The following PLCZ1 variants were observed in gnomAD, a reference collection of about 807,000 sequenced individuals.
PLCZ1 encodes the protein 1-phosphatidylinositol 4,5-bisphosphate phosphodiesterase zeta-1.
Under a neutral mutation model 76.8 loss-of-function variants are expected in PLCZ1, and 64 were observed. The observed-to-expected ratio is 0.83, with a 90% confidence interval of 0.68 to 1.03. PLCZ1 has a LOEUF of 1.03. PLCZ1 is among the 50% of genes least tolerant of loss of function. PLCZ1 has a pLI of 0.00. For synonymous variants in PLCZ1, 248 were observed against 230.8 expected, an observed-to-expected ratio of 1.07 and a Z score of -0.68; for missense variants, 751 against 713.7, an observed-to-expected ratio of 1.05 and a Z score of -0.60.
At chr12:18,696,710 C>T (rs59633342) in intron 10 of PLCZ1, among the ~76,000 whole-genome samples, 22,066 of 151,934 alleles carry the variant, frequency 0.15, 1,693 homozygotes, top group Middle Eastern at 0.17. Flanking sequence ...CAAAGCTATA[C>T]GATTCCAGCT....
At chr12:18,714,491 A>C (rs1183163601) in intron 5 of PLCZ1, among the ~76,000 whole-genome samples, 1 of 152,214 alleles carries the variant, frequency 6.6e-6, no homozygotes, top group Non-Finnish European at 1.5e-5. Context: ...AGGCAGAAAA[A>C]TGTGATCTAA....
At chr12:18,660,973 G>T in the PLCZ1 span, among the ~76,000 whole-genome samples, 1 of 152,024 alleles carries the variant, frequency 6.6e-6, no homozygotes, top group East Asian at 1.9e-4. Flanking sequence ...AAACCCAAAT[G>T]AAGCCAAAAT....
intron 1 of PLCZ1, chr12:18,737,719 G>A (rs553770056): frequency 1.3e-4 from 55 of 438,704 alleles, no homozygotes; most frequent in African/African-American, 9.1e-4. Context: ...TCCATGAACT[G>A]CCATTGTATC....
the PLCZ1 span, among the ~76,000 whole-genome samples, chr12:18,667,917 T>C: frequency 6.6e-6 from 1 of 151,820 alleles, no homozygotes; most frequent in Non-Finnish European, 1.5e-5. Flanking sequence ...CAGAACAAGG[T>C]GGAGAGTGAG....
At chr12:18,652,850 A>G in the PLCZ1 span, among the ~76,000 whole-genome samples, 2 of 152,170 alleles carry the variant, frequency 1.3e-5, no homozygotes, top group African/African-American at 2.4e-5. Context: ...TCATAGCAAC[A>G]TATCTTTCTA....
Position 18,687,449 on chromosome 12 carries a change from G to C in PLCZ1, c.1591+640C>G, listed in dbSNP as rs189926832. Among the ~76,000 whole-genome samples, 47 of 152,154 alleles carry C rather than the reference G, an allele frequency of 3.1e-4. No homozygotes were observed. The East Asian group carries it at 5.6e-3, about 18-fold the overall frequency. ...GATCCTGACCAGGGATCAATCCCAG[G>C]AACCTATCCTTTTCTAATTTCCTTA... On this transcript the variant is annotated intron_variant, in intron 13 of 14. Transcript: ENST00000266505.
the PLCZ1 span, among the ~76,000 whole-genome samples, chr12:18,660,221 T>C: frequency 6.6e-6 from 1 of 152,018 alleles, no homozygotes; most frequent in Non-Finnish European, 1.5e-5. Context: ...CCATCCCCAT[T>C]CTCCTGCGTA....
At chr12:18,715,221 G>A (rs1957835100) in intron 5 of PLCZ1, among the ~76,000 whole-genome samples, 1 of 120,022 alleles carries the variant, frequency 8.3e-6, no homozygotes, top group Non-Finnish European at 1.7e-5. Context: ...GAGAGAGAGA[G>A]AGACCTTATA....
At chr12:18,654,085 T>C in the PLCZ1 span, among the ~76,000 whole-genome samples, 1 of 151,906 alleles carries the variant, frequency 6.6e-6, no homozygotes, top group Non-Finnish European at 1.5e-5. Context: ...AACTGAGTAG[T>C]AATGAGAAAG....
At chr12:18,654,858 T>C in the PLCZ1 span, among the ~76,000 whole-genome samples, 2 of 152,096 alleles carry the variant, frequency 1.3e-5, no homozygotes, top group Admixed American at 6.6e-5. Flanking sequence ...CAAGATAAAA[T>C]TTTGAGAGTG....
chr12:18,729,386 C>T (rs956529261), intron 3 of PLCZ1, among the ~76,000 whole-genome samples: 4 of 151,958 alleles, frequency 2.6e-5, no homozygotes, highest in South Asian at 2.1e-4. Context: ...GTATTACCCA[C>T]GAGATATATT....
downstream of PLCZ1, among the ~76,000 whole-genome samples, chr12:18,679,685 C>G (rs553054715): frequency 6.6e-6 from 1 of 151,892 alleles, no homozygotes; most frequent in Non-Finnish European, 1.5e-5. Flanking sequence ...CCCTGGCTAA[C>G]GTTGCAGATA....
the PLCZ1 span, among the ~76,000 whole-genome samples, chr12:18,666,414 A>C: frequency 2.6e-5 from 4 of 152,128 alleles, no homozygotes; most frequent in Non-Finnish European, 5.9e-5. Context: ...AATAGTCTCA[A>C]AAAGAGCTGG....
chr12:18,650,331 C>CTCTCTCTA, the PLCZ1 span, among the ~76,000 whole-genome samples: 7 of 91,984 alleles, frequency 7.6e-5, no homozygotes, highest in Admixed American at 2.4e-4. Context: ...CTCTCTCTCT[C>CTCTCTCTA]TATATATATA....
chr12:18,692,699 A>T (rs775842598), intron 12 of PLCZ1: 5 of 748,000 alleles, frequency 6.7e-6, no homozygotes, highest in African/African-American at 3.6e-5. Context: ...AACAAAATCA[A>T]ATACAGACTT....
the PLCZ1 span, chr12:18,648,038 T>C: frequency 2.0e-4 from 314 of 1,559,332 alleles, 1 homozygote; most frequent in East Asian, 6.4e-3. Flanking sequence ...ACCATTGCTA[T>C]GAACATATGC....
intron 3 of PLCZ1, among the ~76,000 whole-genome samples, chr12:18,729,387 G>A (rs1366336577): frequency 1.3e-5 from 2 of 151,804 alleles, no homozygotes; most frequent in Non-Finnish European, 2.9e-5. Flanking sequence ...TATTACCCAC[G>A]AGATATATTA....
chr12:18,706,855 T>G (rs1956667297), intron 6 of PLCZ1, among the ~76,000 whole-genome samples: 2 of 152,224 alleles, frequency 1.3e-5, no homozygotes, highest in Non-Finnish European at 1.5e-5. Flanking sequence ...CAACATTTAT[T>G]CTCTCACTGT....
chr12:18,721,770 G>A (rs561096072), intron 4 of PLCZ1, among the ~76,000 whole-genome samples: 4 of 150,360 alleles, frequency 2.7e-5, no homozygotes, highest in African/African-American at 7.3e-5. Context: ...TGATATAGTC[G>A]CTTAGTATTC....
Sources: gnomAD v4.1 joint callset for allele counts (sites outside exome capture counted in the v4.1 genomes callset) on GRCh38, gnomAD v4.1.1 for gene constraint, MANE v1.5 for transcripts, NCBI Gene and HGNC (gene_info 2026-07-23, HGNC 2026-07-21) for gene names.